Variants in CNTN4 observed in about 807,000 individuals in gnomAD.
CNTN4 encodes the protein contactin-4.
CNTN4 carries 77 observed loss-of-function variants against 122.5 expected under a neutral mutation model. The ratio of observed to expected loss-of-function variants is 0.63; its 90% confidence interval spans 0.52 to 0.76. The LOEUF (loss-of-function observed/expected upper bound fraction) is 0.76. Ranked by LOEUF, CNTN4 falls within the 30% of genes least tolerant of loss-of-function variation. The pLI, the probability that CNTN4 is intolerant of heterozygous loss-of-function variation, is 0.00. For synonymous variants in CNTN4, 512 were observed against 447.0 expected (o/e 1.15, Z -1.83); for missense variants, 1,256 against 1,259.1 (o/e 1.00, Z 0.04).
intron 3 of CNTN4, among the ~76,000 whole-genome samples, chr3:2,507,354 T>C (rs2076758246): frequency 1.3e-5 from 2 of 151,930 alleles, no homozygotes; most frequent in South Asian, 4.2e-4. Context: ...TAAACTGTCT[T>C]TGTTGGAAGG....
chr3:2,259,049 C>T (rs1382113706), intron 2 of CNTN4, among the ~76,000 whole-genome samples: 1 of 151,926 alleles, frequency 6.6e-6, no homozygotes, highest in Non-Finnish European at 1.5e-5. Context: ...AATAATGTAC[C>T]CAAAGCTATA....
chr3:2,382,911 C>T (rs1456688041), intron 3 of CNTN4, among the ~76,000 whole-genome samples: 1 of 152,044 alleles, frequency 6.6e-6, no homozygotes, highest in Non-Finnish European at 1.5e-5. Flanking sequence ...CCCATCTCTA[C>T]TAAAAATACA....
chr3:2,680,581 G>C (rs998240239), intron 4 of CNTN4, among the ~76,000 whole-genome samples: 2 of 152,036 alleles, frequency 1.3e-5, no homozygotes, highest in Admixed American at 6.6e-5. Flanking sequence ...ATTCAAAATT[G>C]TTTCTCACAG....
At chr3:2,831,786 A>G (rs2093110822) in intron 7 of CNTN4, among the ~76,000 whole-genome samples, 1 of 152,222 alleles carries the variant, frequency 6.6e-6, no homozygotes, top group African/African-American at 2.4e-5. Context: ...TTTGTGAAGT[A>G]GTGTGGAATT....
intron 12 of CNTN4, among the ~76,000 whole-genome samples, chr3:2,921,547 T>C (rs2094430149): frequency 6.6e-6 from 1 of 152,210 alleles, no homozygotes; most frequent in East Asian, 1.9e-4. Context: ...AATGATGAGG[T>C]AATAGTTAAA....
In CNTN4 at chr3:2,571,512, G is replaced by C; in HGVS notation, c.9G>C (p.Leu3Phe). The change falls in exon 4 of 25, where the codon TTG (leucine) becomes TTC (phenylalanine). Residue 3 changes from leucine (L) to phenylalanine (F), a missense_variant. Transcript: ENST00000418658. Reference protein sequence around the residue: MRLPWELLVLQSF... With the variant: MRFPWELLVLQSF... ...GACCTCGGAAACTGAAGATGAGGTT[G>C]CCATGGGAACTGCTGGTACTGCAAT... 6.2e-7 allele frequency: 1 copy of C among 1,613,420 alleles called. No individual in the cohort carries two copies. The highest frequency in any genetic ancestry group is 1.3e-5 in the African/African-American group (1 of 75,042).
chr3:2,159,797 C>T (rs1480830602), intron 2 of CNTN4, among the ~76,000 whole-genome samples: 1 of 150,754 alleles, frequency 6.6e-6, no homozygotes, highest in East Asian at 1.9e-4. Flanking sequence ...ATTTTTTAAT[C>T]TGAATAATAA....
intron 2 of CNTN4, among the ~76,000 whole-genome samples, chr3:2,189,687 T>A (rs1192753649): frequency 3.9e-5 from 6 of 152,046 alleles, no homozygotes; most frequent in Admixed American, 3.9e-4. Flanking sequence ...ATGGCGCTCT[T>A]CATTATTCAT....
At chr3:2,474,614 A>G (rs2075785779) in intron 3 of CNTN4, among the ~76,000 whole-genome samples, 1 of 152,216 alleles carries the variant, frequency 6.6e-6, no homozygotes, top group Non-Finnish European at 1.5e-5. Flanking sequence ...TAGGAAATGT[A>G]AGGAAAAATA....
chr3:2,328,783 A>C (rs1677425611), intron 2 of CNTN4, among the ~76,000 whole-genome samples: 1 of 152,168 alleles, frequency 6.6e-6, no homozygotes, highest in Non-Finnish European at 1.5e-5. Flanking sequence ...AATATACTGG[A>C]GGGTGTGCAG....
At chr3:2,794,063 C>A (rs530828664) in intron 6 of CNTN4, among the ~76,000 whole-genome samples, 1 of 152,224 alleles carries the variant, frequency 6.6e-6, no homozygotes, top group East Asian at 1.9e-4. Flanking sequence ...GGAAATTTAA[C>A]ATGTTTCAAA....
intron 6 of CNTN4, among the ~76,000 whole-genome samples, chr3:2,801,389 C>T (rs2092342795): frequency 6.6e-6 from 1 of 152,138 alleles, no homozygotes; most frequent in African/African-American, 2.4e-5. Context: ...AACATTGCAT[C>T]AATTAAAATA....
At chr3:2,379,013 T>C (rs182760133) in intron 3 of CNTN4, among the ~76,000 whole-genome samples, 26 of 152,330 alleles carry the variant, frequency 1.7e-4, no homozygotes, top group African/African-American at 6.3e-4. Flanking sequence ...TTCATTGCCA[T>C]GTAGGTTAAA....
At chr3:2,726,628 A>G (rs978620404) in intron 4 of CNTN4, among the ~76,000 whole-genome samples, 11 of 152,188 alleles carry the variant, frequency 7.2e-5, no homozygotes, top group African/African-American at 2.7e-4. Flanking sequence ...TTATACATGT[A>G]TGTTTCTATG....
intron 2 of CNTN4, among the ~76,000 whole-genome samples, chr3:2,173,746 A>G (rs1002763836): frequency 1.3e-5 from 2 of 152,216 alleles, no homozygotes; most frequent in Non-Finnish European, 2.9e-5. Flanking sequence ...AAATAATAAT[A>G]ATAGTTTACC....
In CNTN4 at chr3:2,721,050, G is replaced by A. The variant is rs368050687; in HGVS notation, c.56-15165G>A. Among the ~76,000 whole-genome samples the A allele has an allele frequency of 2.1e-4, 32 of 152,244 alleles. No individual in the cohort carries two copies. The East Asian group carries it at 4.8e-3, about 23-fold the overall frequency. ...TGCAGTGGCATGATCTCGGCTCACT[G>A]CAACCTCCACCTCCCAGGTTCAGCA... is the stretch of plus-strand genomic sequence containing the variant. On this transcript the variant is annotated intron_variant, in intron 4 of 24. Coordinates refer to ENST00000418658, the MANE Select transcript of CNTN4 (RefSeq NM_175607.3).
At chr3:2,699,250 G>C (rs2086223668) in intron 4 of CNTN4, among the ~76,000 whole-genome samples, 1 of 152,112 alleles carries the variant, frequency 6.6e-6, no homozygotes, top group South Asian at 2.1e-4. Context: ...TTCCACCATT[G>C]TTAATTTGCA....
intron 5 of CNTN4, among the ~76,000 whole-genome samples, chr3:2,741,457 GA>G (rs1235508084): frequency 6.6e-6 from 1 of 152,202 alleles, no homozygotes; most frequent in Non-Finnish European, 1.5e-5. Context: ...TAATTAGGGT[GA>G]ACATGTAATT....
chr3:2,809,217 G>A (rs912706480), intron 6 of CNTN4, among the ~76,000 whole-genome samples: 1 of 152,206 alleles, frequency 6.6e-6, no homozygotes, highest in African/African-American at 2.4e-5. Context: ...AGAGTAACTG[G>A]AGTCAGGTCA....
Sources: allele counts gnomAD v4.1 joint callset (sites outside exome capture counted in the v4.1 genomes callset), GRCh38; gene constraint gnomAD v4.1.1; transcripts MANE v1.5; gene names NCBI Gene and HGNC (gene_info 2026-07-23, HGNC 2026-07-21).